The following ABCC2 variants were observed in gnomAD, a reference collection of about 807,000 sequenced individuals.
The protein encoded by ABCC2 is ATP binding cassette subfamily C member 2.
A neutral mutation model predicts 173.4 loss-of-function variants in ABCC2; 157 were observed. That is an observed-to-expected ratio of 0.91 (90% CI 0.80 to 1.03). The LOEUF is 1.03. ABCC2 is among the 50% of genes least tolerant of loss of function. The probability of loss-of-function intolerance (pLI) is 0.00; values close to 1 mark genes in which losing one functional copy is unlikely to be tolerated. For synonymous variants in ABCC2, 657 were observed against 693.5 expected, an observed-to-expected ratio of 0.95 and a Z score of 0.83; for missense variants, 1,822 against 1,852.3, an observed-to-expected ratio of 0.98 and a Z score of 0.30.
intron 30 of ABCC2, among the ~76,000 whole-genome samples, chr10:99,849,570 G>A (rs2039061467): frequency 6.6e-6 from 1 of 152,222 alleles, no homozygotes; most frequent in South Asian, 2.1e-4. Flanking sequence ...TGATGGGTAA[G>A]TTCAGCTTGG....
chr10:99,810,021 G>A, intron 13 of ABCC2, 113 bp from the exon 14 acceptor site: 2 of 938,530 alleles, frequency 2.1e-6, no homozygotes, highest in Non-Finnish European at 3.4e-6. Context: ...GTGGAGATTA[G>A]GAGATGCCAG....
Position 99,830,759 on chromosome 10 carries a change from T to G in ABCC2, c.2791T>G (p.Leu931Val). Residue 931 changes from leucine to valine, a missense_variant, in exon 21 of 32, where the codon TTG (leucine) becomes GTG (valine). By Grantham distance (32) the Leu-to-Val change is conservative. Coordinates refer to ENST00000647814, the MANE Select transcript of ABCC2 (RefSeq NM_000392.5). ...GCATCTGAAGTCCCTGAGAAACTCCTTGAAAACTCGGAATGTGAATAGCCT... is the reference window on the plus strand; with the variant it reads ...GCATCTGAAGTCCCTGAGAAACTCCGTGAAAACTCGGAATGTGAATAGCCT... ...GRHLKSLRNS[L>V]KTRNVNSLKE... 2 of 1,614,082 alleles carry G rather than the reference T, an allele frequency of 1.2e-6. No homozygotes were observed. Among genetic ancestry groups the G allele is most frequent in the Non-Finnish European group, 1.7e-6 (2 of 1,180,004 alleles).
At position 99,836,174 on chromosome 10, in the gene ABCC2, C is replaced by T. The variant is rs564908429; in HGVS notation, c.3498C>T (p.Thr1166=). The change falls in exon 25 of 32, where the codon ACC becomes ACT. Residue 1166 remains threonine (T), a synonymous_variant. Transcript: ENST00000647814. ...CAATCTACTCTCACTTCAGCGAGAC[C>T]GTATCAGGTTTGCCAGTTATCCGTG... ...RSPIYSHFSE[T]VSGLPVIRAF... 2.1e-4 allele frequency: 342 copies of T among 1,614,184 alleles called. 5 individuals carry two copies. In the South Asian group the frequency reaches 3.7e-3, roughly 17 times the overall value.
chr10:99,805,533 T>C, intron 11 of ABCC2, 86 bp downstream of exon 11: 1 of 1,343,694 alleles, frequency 7.4e-7, no homozygotes, highest in Non-Finnish European at 1.1e-6. Flanking sequence ...GTAGAGGTGA[T>C]GGATTCCTGC....
chr10:99,814,436 TACAC>T lies in ABCC2; in HGVS notation c.2094+1296_2094+1299del, dbSNP rs1253739319. On this transcript the variant is annotated intron_variant, in intron 16 of 31. Transcript: ENST00000647814. ...GTATATATGTGTGCATATATGTGTA[TACAC>T]ACATATGTGTGTATATACATACACA... Among the ~76,000 whole-genome samples the T allele has an allele frequency of 4.2e-5, 5 of 120,072 alleles. 2 individuals carry two copies. The highest frequency in any genetic ancestry group is 1.4e-4 in the African/African-American group (4 of 28,730). 78.8% of individuals were successfully genotyped at this position (120,072 alleles called of 152,430 possible).
In ABCC2 at chr10:99,834,461, G is replaced by T. The variant is rs778116144; in HGVS notation, c.3340G>T (p.Val1114Phe). 6.2e-7 allele frequency: 1 copy of T among 1,614,160 alleles called. No individual in the cohort carries two copies. The change falls in exon 24 of 32, where the codon GTC (valine) becomes TTC (phenylalanine). Residue 1114 changes from valine to phenylalanine, a missense_variant. Physicochemically the swap from Val to Phe is conservative, Grantham distance 50 (BLOSUM62 -1). Coordinates refer to ENST00000647814, the MANE Select transcript of ABCC2 (RefSeq NM_000392.5). ...CTTCCTGGGGATAATCAGCACCCTT[G>T]TCATGATCTGCATGGCCACTCCTGT... The part of the protein sequence containing the change: ...TCFLGIISTL[V>F]MICMATPVFT...
In ABCC2 at chr10:99,814,242, C is replaced by CACACACGTATGTAT. The variant is rs1248782494; in HGVS notation, c.2094+1133_2094+1146dup. The stretch of plus-strand genomic sequence containing the variant: ...ATATATACACACATGTGTATATATG[C>CACACACGTATGTAT]ACACACGTATGTATACACACGTATG... On this transcript the variant is annotated intron_variant, in intron 16 of 31. Coordinates refer to ENST00000647814, the MANE Select transcript of ABCC2 (RefSeq NM_000392.5). Among the ~76,000 whole-genome samples, 7 of 60,486 alleles carry CACACACGTATGTAT rather than the reference C, an allele frequency of 1.2e-4. 1 individual carries two copies. Among genetic ancestry groups the CACACACGTATGTAT allele is most frequent in the Admixed American group, 4.4e-4 (3 of 6,748 alleles). The allele number at this position is 60,486 out of a possible 152,430, so 39.7% of individuals were successfully genotyped here. A position where few individuals can be genotyped will look rare whatever the true frequency, so the allele number is the denominator to read the frequency against.
In ABCC2 at chr10:99,782,721, C is replaced by A; in HGVS notation, c.-124C>A. The A allele has an allele frequency of 8.7e-7, 1 of 1,148,454 alleles. No individual in the cohort carries two copies. 71.1% of individuals were successfully genotyped at this position (1,148,454 alleles called of 1,614,324 possible). ...TAAATGGTTGGGATGAAAGGTCATC[C>A]TTTACGGAGAACATCAGAATGGTAG... On this transcript the variant is annotated 5_prime_UTR_variant, in exon 1 of 32. Coordinates refer to ENST00000647814, the MANE Select transcript of ABCC2 (RefSeq NM_000392.5).
Position 99,852,450 on chromosome 10 carries a change from T to C in ABCC2, c.*819T>C, listed in dbSNP as rs2039097917. Among the ~76,000 whole-genome samples, 1 of 152,258 alleles carries C rather than the reference T, an allele frequency of 6.6e-6. No individual in the cohort carries two copies. Among genetic ancestry groups the C allele is most frequent in the Non-Finnish European group, 1.5e-5 (1 of 68,042 alleles). The stretch of plus-strand genomic sequence containing the variant: ...TTTGCATTTCCACTTGTTTTTTAAA[T>C]ATTGTGTCTGATAATTCCAATGTCT... On this transcript the variant is annotated 3_prime_UTR_variant, in exon 32 of 32. Coordinates refer to ENST00000647814, the MANE Select transcript of ABCC2 (RefSeq NM_000392.5).
chr10:99,833,352 A>C (rs2038769901), intron 23 of ABCC2, among the ~76,000 whole-genome samples: 1 of 152,236 alleles, frequency 6.6e-6, no homozygotes, highest in South Asian at 2.1e-4. Context: ...AAGAGAACAC[A>C]GAGGTTTTCT....
chr10:99,840,447 C>T (rs2038918983), intron 25 of ABCC2, among the ~76,000 whole-genome samples: 1 of 147,564 alleles, frequency 6.8e-6, no homozygotes, highest in African/African-American at 2.4e-5. Flanking sequence ...GCCTTCGACC[C>T]TTCTGGGGCC....
At chr10:99,801,339 C>A (rs909669670) in intron 9 of ABCC2, among the ~76,000 whole-genome samples, 2 of 152,102 alleles carry the variant, frequency 1.3e-5, no homozygotes, top group African/African-American at 4.8e-5. Flanking sequence ...TGGGTTCAAG[C>A]GGTTCTCCTG....
chr10:99,840,292 A>AT (rs2038914090), intron 25 of ABCC2, among the ~76,000 whole-genome samples: 2 of 140,912 alleles, frequency 1.4e-5, no homozygotes, highest in Admixed American at 1.4e-4. Context: ...GCTCCGCTTC[A>AT]TATCTGCAGC....
chr10:99,831,259 G>A (rs1322971843), intron 21 of ABCC2, among the ~76,000 whole-genome samples: 1 of 152,152 alleles, frequency 6.6e-6, no homozygotes, highest in Non-Finnish European at 1.5e-5. Context: ...TCACTATGTT[G>A]CCCAGGCTGG....
chr10:99,821,563 A>G (rs1350365209), intron 19 of ABCC2, among the ~76,000 whole-genome samples: 1 of 152,138 alleles, frequency 6.6e-6, no homozygotes, highest in Non-Finnish European at 1.5e-5. Flanking sequence ...ATGACTCTTA[A>G]CGAGCATGCT....
chr10:99,820,718 G>A (rs1316985266), intron 19 of ABCC2, among the ~76,000 whole-genome samples: 1 of 152,196 alleles, frequency 6.6e-6, no homozygotes, highest in Non-Finnish European at 1.5e-5. Context: ...AGTGGGGCAG[G>A]AGTATCAGGG....
intron 28 of ABCC2, 118 bp downstream of exon 28, chr10:99,844,583 G>A: frequency 7.4e-7 from 1 of 1,360,064 alleles, no homozygotes; most frequent in South Asian, 1.2e-5. Context: ...AAGGGTCAGG[G>A]CACTTCCTCT....
At chr10:99,811,475 G>C (rs199907444) in intron 14 of ABCC2, 61 bp from the exon 15 acceptor site, 1 of 1,541,694 alleles carries the variant, frequency 6.5e-7, no homozygotes, top group Non-Finnish European at 9.0e-7. Context: ...AGAGAGACAC[G>C]TGAGGGCAGA....
At chr10:99,784,505 T>C in intron 1 of ABCC2, 103 bp from the exon 2 acceptor site, 1 of 1,207,090 alleles carries the variant, frequency 8.3e-7, no homozygotes. Context: ...GATATGGATA[T>C]GGAGTTGAAT....
Sources: gnomAD v4.1 joint callset for allele counts (sites outside exome capture counted in the v4.1 genomes callset) on GRCh38, gnomAD v4.1.1 for gene constraint, MANE v1.5 for transcripts, NCBI Gene and HGNC (gene_info 2026-07-23, HGNC 2026-07-21) for gene names.